ZNF676: variants seen among roughly 807,000 people sequenced by gnomAD.
The protein encoded by ZNF676 is zinc finger protein 676.
ZNF676 carries 4 observed loss-of-function variants against 6.0 expected under a neutral mutation model. That is an observed-to-expected ratio of 0.67 (90% CI 0.33 to 1.53). The LOEUF is 1.53. Among genes scored for constraint, ZNF676 ranks in the 40% most tolerant of loss-of-function variants. The pLI, the probability that ZNF676 is intolerant of heterozygous loss-of-function variation, is 0.06. For missense variants in ZNF676, 644 were observed against 679.7 expected (o/e 0.95, Z 0.58); for synonymous variants, 198 against 223.1 (o/e 0.89, Z 1.00).
At position 22,180,275 on chromosome 19, in the gene ZNF676, T is replaced by G; in HGVS notation, c.1442A>C (p.Glu481Ala). ...GAACGTACTAAAGCCTTTGCCACAT[T>G]CTTCACATTTGTAAGGTTTCTCTGC... ...HAAEKPYKCE[E>A]CGKGFSTFSI... is the part of the protein sequence containing the mutation. Residue 481 changes from glutamate (E) to alanine (A), a missense_variant, in exon 3 of 3, where the codon GAA becomes GCA. By Grantham distance (107) the Glu-to-Ala change is moderately radical. Transcript: ENST00000397121. 2 of 1,612,706 alleles carry G rather than the reference T, an allele frequency of 1.2e-6. No individual in the cohort carries two copies. Among genetic ancestry groups the G allele is most frequent in the Non-Finnish European group, 1.7e-6 (2 of 1,178,790 alleles).
exon 1 of ZNF676, chr19:22,215,667 T>C (rs1016168295): frequency 6.2e-7 from 1 of 1,608,052 alleles, no homozygotes; most frequent in South Asian, 1.1e-5. Context: ...GGCGACTTAG[T>C]TGTGGATCTC....
chr19:22,200,259 TA>T (rs1467182226), upstream of ZNF676, among the ~76,000 whole-genome samples: 1 of 152,068 alleles, frequency 6.6e-6, no homozygotes, highest in African/African-American at 2.4e-5. Flanking sequence ...TTTTCTATAA[TA>T]ATTTTTTTAG....
the ZNF676 span, among the ~76,000 whole-genome samples, chr19:22,231,830 G>C: frequency 4.2e-3 from 638 of 151,878 alleles, no homozygotes; most frequent in African/African-American, 0.014. Context: ...TCGATCTCTT[G>C]ACCTTGTGAT....
At chr19:22,192,978 A>T (rs758729007) in intron 2 of ZNF676, 38 bp downstream of exon 2, 1 of 1,570,726 alleles carries the variant, frequency 6.4e-7, no homozygotes, top group Non-Finnish European at 8.6e-7. Flanking sequence ...TTGACTTTGG[A>T]CTTCTCATTC....
upstream of ZNF676, among the ~76,000 whole-genome samples, chr19:22,220,134 A>G (rs1278460684): frequency 6.6e-6 from 1 of 152,196 alleles, no homozygotes; most frequent in Admixed American, 6.5e-5. Context: ...TGACTTACCT[A>G]TGTTAAATCA....
chr19:22,199,124 T>G (rs1323194220), upstream of ZNF676, among the ~76,000 whole-genome samples: 1 of 152,154 alleles, frequency 6.6e-6, no homozygotes, highest in Non-Finnish European at 1.5e-5. Context: ...GCATTTCCTC[T>G]CAAGCTCTAA....
At chr19:22,209,341 AG>A (rs1303312839) in intron 1 of ZNF676, among the ~76,000 whole-genome samples, 1 of 151,604 alleles carries the variant, frequency 6.6e-6, no homozygotes, top group Non-Finnish European at 1.5e-5. Flanking sequence ...AAAAAAAAAA[AG>A]AGTATGTCCT....
chr19:22,255,319 G>C, the ZNF676 span, among the ~76,000 whole-genome samples: 1 of 152,216 alleles, frequency 6.6e-6, no homozygotes, highest in African/African-American at 2.4e-5. Flanking sequence ...GTCAGGGTGC[G>C]CACAGGAGTG....
the ZNF676 span, among the ~76,000 whole-genome samples, chr19:22,242,459 G>A: frequency 6.6e-6 from 1 of 151,964 alleles, no homozygotes; most frequent in Non-Finnish European, 1.5e-5. Flanking sequence ...TCATGATGCA[G>A]AGATACATCA....
chr19:22,253,768 G>C, the ZNF676 span, among the ~76,000 whole-genome samples: 146,719 of 152,036 alleles, frequency 0.97, 71,029 homozygotes, highest in East Asian at 1. Flanking sequence ...CTCCAATGGG[G>C]TCTGTCCATC....
In ZNF676 at chr19:22,180,404, T is replaced by A; in HGVS notation, c.1313A>T (p.Glu438Val). The part of the protein sequence containing the change: ...KAFSWSSSLT[E>V]HKRIHAGEKP... ...CTCTCCAGCATGAATTCTCTTGTGT[T>A]CAGTAAGGCTTGAGGACCAGCTGAA... Residue 438 changes from glutamate to valine, a missense_variant, in exon 3 of 3, where the codon GAA (glutamate) becomes GTA (valine). This residue lies in a region of ZNF676 where 306 missense variants were observed against 265.4 expected (regional missense o/e 1.15). Transcript: ENST00000397121. 1 of 1,613,356 alleles carries A rather than the reference T, an allele frequency of 6.2e-7. No individual in the cohort carries two copies. Among genetic ancestry groups the A allele is most frequent in the South Asian group, 1.1e-5 (1 of 91,060 alleles).
chr19:22,220,466 T>G (rs577567233), upstream of ZNF676, among the ~76,000 whole-genome samples: 17 of 122,648 alleles, frequency 1.4e-4, no homozygotes, highest in East Asian at 3.5e-3. Flanking sequence ...TGGCAGTTTT[T>G]TTTTTTTTTT....
chr19:22,190,255 C>A (rs2023884908), intron 2 of ZNF676, among the ~76,000 whole-genome samples: 1 of 152,002 alleles, frequency 6.6e-6, no homozygotes, highest in Non-Finnish European at 1.5e-5. Flanking sequence ...TCATTCTCAG[C>A]AAACTAACAC....
chr19:22,237,674 G>A, the ZNF676 span, among the ~76,000 whole-genome samples: 1 of 152,216 alleles, frequency 6.6e-6, no homozygotes, highest in Non-Finnish European at 1.5e-5. Flanking sequence ...TCAGACAAAG[G>A]TGGAAAGGCT....
chr19:22,185,643 T>G (rs1275771391), intron 2 of ZNF676, among the ~76,000 whole-genome samples: 2 of 152,096 alleles, frequency 1.3e-5, no homozygotes, highest in Non-Finnish European at 2.9e-5. Context: ...GAAAAAAGGT[T>G]AGAAGGATTG....
At chr19:22,200,967 A>G (rs2024019922), upstream of ZNF676, among the ~76,000 whole-genome samples, 1 of 152,052 alleles carries the variant, frequency 6.6e-6, no homozygotes, top group Non-Finnish European at 1.5e-5. Flanking sequence ...GACATTCTCA[A>G]ATGTCTCAGA....
chr19:22,208,916 G>T (rs2024102392), intron 1 of ZNF676, among the ~76,000 whole-genome samples: 3 of 152,036 alleles, frequency 2.0e-5, no homozygotes, highest in Admixed American at 2.0e-4. Context: ...ACTGCAGCCT[G>T]GGAAAGAAAG....
At chr19:22,254,707 G>A in the ZNF676 span, among the ~76,000 whole-genome samples, 2 of 152,124 alleles carry the variant, frequency 1.3e-5, no homozygotes, top group Admixed American at 6.5e-5. Flanking sequence ...GGAAAGTCAC[G>A]TCACCTAGGT....
the ZNF676 span, among the ~76,000 whole-genome samples, chr19:22,242,155 AC>A: frequency 2.6e-5 from 4 of 151,906 alleles, no homozygotes; most frequent in African/African-American, 9.7e-5. Context: ...TTATTATTGC[AC>A]CTGTCAGCCA....
Sources: gnomAD v4.1 joint callset for allele counts (sites outside exome capture counted in the v4.1 genomes callset) on GRCh38, gnomAD v4.1.1 for gene constraint, gnomAD v4.1.1 regional missense constraint, MANE v1.5 for transcripts, NCBI Gene and HGNC (gene_info 2026-07-23, HGNC 2026-07-21) for gene names.